MAP2K6: variants seen among roughly 807,000 people sequenced by gnomAD.
MAP2K6 encodes mitogen-activated protein kinase kinase 6.
Under a neutral mutation model 53.7 loss-of-function variants are expected in MAP2K6, and 16 were observed. The observed-to-expected ratio is 0.30, with a 90% CI of 0.20 to 0.45. MAP2K6 has a LOEUF of 0.45. MAP2K6 is among the 20% of genes least tolerant of loss of function. The pLI is 1.00. For missense variants in MAP2K6, 204 were observed against 411.9 expected (o/e 0.50, Z 4.37); for synonymous variants, 132 against 143.1 (o/e 0.92, Z 0.55).
At chr17:69,514,033 G>T (rs1390401805) in intron 2 of MAP2K6, among the ~76,000 whole-genome samples, 3 of 151,700 alleles carry the variant, frequency 2.0e-5, no homozygotes, top group Non-Finnish European at 2.9e-5. Flanking sequence ...GCTTGAACCC[G>T]GTAAGGCAGA....
At position 69,445,601 on chromosome 17, in the gene MAP2K6, A is replaced by G. The variant is rs539112105; in HGVS notation, c.16+30601A>G. 6.6e-5 allele frequency among the ~76,000 whole-genome samples: 10 copies of G among 152,352 alleles called. No homozygotes were observed. In the East Asian group the frequency reaches 1.5e-3, roughly 23 times the overall value. On this transcript the variant is annotated intron_variant, in intron 1 of 11. Coordinates refer to ENST00000590474, the MANE Select transcript of MAP2K6 (RefSeq NM_002758.4). ...AGGAAGTAACGTGTTTTGGGCTTAC[A>G]TGACTACCAGTTGGTGAACCCAAGG...
intron 5 of MAP2K6, 193 bp downstream of exon 5, chr17:69,519,625 G>T (rs1290934895): frequency 5.0e-6 from 3 of 595,728 alleles, no homozygotes; most frequent in Admixed American, 3.6e-5. Context: ...TTCAAATGTG[G>T]TTAGCCTTTT....
At chr17:69,461,418 C>T (rs938386609) in intron 1 of MAP2K6, among the ~76,000 whole-genome samples, 15 of 152,162 alleles carry the variant, frequency 9.9e-5, no homozygotes, top group South Asian at 2.1e-4. Flanking sequence ...TCTCCTTCAG[C>T]GGAGATTTAT....
At position 69,437,835 on chromosome 17, in the gene MAP2K6, A is replaced by G. The variant is rs893121156; in HGVS notation, c.16+22835A>G. On this transcript the variant is annotated intron_variant, in intron 1 of 11. Transcript: ENST00000590474. ...TCCTATAAATGGAATTATACAATGTATGGCCTTTTGTGTGTGACTTCTGCC... is the reference window on the plus strand; with the variant it reads ...TCCTATAAATGGAATTATACAATGTGTGGCCTTTTGTGTGTGACTTCTGCC... 2.6e-5 allele frequency among the ~76,000 whole-genome samples: 4 copies of G among 152,240 alleles called. No homozygotes were observed. The South Asian group carries it at 6.2e-4, about 24-fold the overall frequency.
At position 69,541,664 on chromosome 17, in the gene MAP2K6, T is replaced by C; in HGVS notation, c.928-12T>C. Reference sequence around the variant, plus strand: ...AGACATTAATACCATGTTTTTTCTTTTTCTTTTCCAGCAACATCCATTTTT... The same window carrying C: ...AGACATTAATACCATGTTTTTTCTTCTTCTTTTCCAGCAACATCCATTTTT... On this transcript the variant is annotated splice_polypyrimidine_tract_variant and intron_variant, in intron 11 of 11. Transcript: ENST00000590474. The C allele has an allele frequency of 1.2e-6, 2 of 1,606,526 alleles. No homozygotes were observed. Among genetic ancestry groups the C allele is most frequent in the Non-Finnish European group, 8.5e-7 (1 of 1,174,240 alleles).
At chr17:69,458,658 T>C (rs1417047047) in intron 1 of MAP2K6, among the ~76,000 whole-genome samples, 1 of 152,258 alleles carries the variant, frequency 6.6e-6, no homozygotes, top group African/African-American at 2.4e-5. Context: ...TCCCTAGATT[T>C]CTACCTGGCT....
chr17:69,470,085 G>T (rs111774984), intron 1 of MAP2K6, among the ~76,000 whole-genome samples: 1 of 152,092 alleles, frequency 6.6e-6, no homozygotes, highest in Non-Finnish European at 1.5e-5. Flanking sequence ...TGTGCCTGTA[G>T]TCCTAGCTAC....
intron 1 of MAP2K6, among the ~76,000 whole-genome samples, chr17:69,489,188 C>A (rs1908653217): frequency 6.7e-6 from 1 of 148,642 alleles, no homozygotes. Flanking sequence ...CCATTGCACT[C>A]CGGCCTGGGC....
At chr17:69,479,150 A>G (rs562493099) in intron 1 of MAP2K6, among the ~76,000 whole-genome samples, 2 of 152,324 alleles carry the variant, frequency 1.3e-5, no homozygotes, top group East Asian at 1.9e-4. Context: ...AGCTTCTGCC[A>G]GAATATCTAG....
intron 1 of MAP2K6, among the ~76,000 whole-genome samples, chr17:69,480,177 G>GA (rs1181508113): frequency 1.3e-5 from 2 of 152,154 alleles, no homozygotes; most frequent in Non-Finnish European, 2.9e-5. Context: ...GCATTCTAAA[G>GA]AACGTAGCAT....
At chr17:69,466,790 A>G (rs1907828527) in intron 1 of MAP2K6, among the ~76,000 whole-genome samples, 3 of 152,016 alleles carry the variant, frequency 2.0e-5, no homozygotes, top group African/African-American at 7.2e-5. Context: ...AATGACTTCT[A>G]CTCACTTAAG....
At chr17:69,503,920 G>A (rs1391737436) in intron 1 of MAP2K6, among the ~76,000 whole-genome samples, 1 of 152,202 alleles carries the variant, frequency 6.6e-6, no homozygotes, top group Non-Finnish European at 1.5e-5. Flanking sequence ...GTTGCGTGAT[G>A]CGTGGAAGAA....
intron 1 of MAP2K6, among the ~76,000 whole-genome samples, chr17:69,450,153 A>G (rs1240640053): frequency 7.3e-6 from 1 of 137,906 alleles, no homozygotes; most frequent in Non-Finnish European, 1.5e-5. Context: ...GTGTTTCACC[A>G]TGTTGGCCAG....
At chr17:69,525,065 C>T in intron 9 of MAP2K6, 87 bp downstream of exon 9, 1 of 1,163,430 alleles carries the variant, frequency 8.6e-7, no homozygotes, top group South Asian at 1.3e-5. Context: ...AACAAATGCC[C>T]TAAATGCTGG....
At chr17:69,535,896 A>G (rs1911331767) in intron 10 of MAP2K6, among the ~76,000 whole-genome samples, 1 of 151,994 alleles carries the variant, frequency 6.6e-6, no homozygotes, top group African/African-American at 2.4e-5. Flanking sequence ...ACACACACAC[A>G]CACACACACA....
chr17:69,459,251 C>A (rs1263037398), intron 1 of MAP2K6, among the ~76,000 whole-genome samples: 1 of 151,988 alleles, frequency 6.6e-6, no homozygotes, highest in East Asian at 1.9e-4. Context: ...CTGTACTTTT[C>A]TTGTGATGGT....
chr17:69,493,328 T>TG (rs1908824833), intron 1 of MAP2K6, among the ~76,000 whole-genome samples: 1 of 151,576 alleles, frequency 6.6e-6, no homozygotes, highest in African/African-American at 2.4e-5. Context: ...TGTGTGTGTG[T>TG]TGCAACACTA....
intron 1 of MAP2K6, 65 bp downstream of exon 1, chr17:69,415,065 G>A: frequency 1.4e-6 from 2 of 1,443,182 alleles, no homozygotes; most frequent in African/African-American, 1.4e-5. Context: ...TGAATGCATG[G>A]ATGCAATTTT....
intron 1 of MAP2K6, among the ~76,000 whole-genome samples, chr17:69,442,644 A>T (rs1262802403): frequency 6.6e-6 from 1 of 152,242 alleles, no homozygotes; most frequent in African/African-American, 2.4e-5. Flanking sequence ...AAGTAACTAA[A>T]TTGCAGTTCA....
Sources: allele counts gnomAD v4.1 joint callset (sites outside exome capture counted in the v4.1 genomes callset), GRCh38; gene constraint gnomAD v4.1.1; transcripts MANE v1.5; gene names NCBI Gene and HGNC (gene_info 2026-07-23, HGNC 2026-07-21).